Variants in RANBP2 observed in about 807,000 individuals in gnomAD.
RANBP2 encodes the protein E3 SUMO-protein ligase RanBP2.
In RANBP2, 57 loss-of-function variants were observed where a neutral mutation model predicts 303.6. That is an observed-to-expected ratio of 0.19 (90% CI 0.15 to 0.23). The LOEUF (loss-of-function observed/expected upper bound fraction) is 0.23. RANBP2 is among the 10% of genes least tolerant of loss of function. RANBP2 has a pLI of 1.00. For missense variants in RANBP2, 3,138 were observed against 3,780.8 expected, an observed-to-expected ratio of 0.83 and a Z score of 4.46; for synonymous variants, 1,167 against 1,301.5, an observed-to-expected ratio of 0.90 and a Z score of 2.23.
At chr2:109,354,916 C>T in the RANBP2 span, among the ~76,000 whole-genome samples, 3 of 152,152 alleles carry the variant, frequency 2.0e-5, no homozygotes, top group Admixed American at 6.5e-5. Flanking sequence ...GTAGTATTTA[C>T]GAAGCTTAGG....
chr2:108,989,122 G>T, the RANBP2 span: 1 of 152,700 alleles, frequency 6.5e-6, no homozygotes, highest in Non-Finnish European at 1.5e-5. Flanking sequence ...GGCTGCCTGG[G>T]ACCTGGCACA....
chr2:108,956,892 G>A, the RANBP2 span, among the ~76,000 whole-genome samples: 2 of 151,976 alleles, frequency 1.3e-5, no homozygotes, highest in Non-Finnish European at 2.9e-5. Context: ...AGGTTCAAGC[G>A]GTTCTCCTGC....
chr2:109,332,112 T>A, the RANBP2 span, among the ~76,000 whole-genome samples: 1 of 152,136 alleles, frequency 6.6e-6, no homozygotes, highest in Non-Finnish European at 1.5e-5. Context: ...AGCATAGACA[T>A]TGGCCAAGGC....
the RANBP2 span, among the ~76,000 whole-genome samples, chr2:109,233,764 G>A: frequency 1.6e-4 from 25 of 152,278 alleles, no homozygotes; most frequent in Non-Finnish European, 2.5e-4. Flanking sequence ...TGTTCCTGCC[G>A]TTTTGCATTT....
the RANBP2 span, among the ~76,000 whole-genome samples, chr2:109,622,983 C>A: frequency 3.9e-4 from 59 of 152,134 alleles, no homozygotes; most frequent in Non-Finnish European, 8.1e-4. Context: ...ACAAATTAGC[C>A]AGGTGTGGTG....
chr2:109,234,108 G>A, the RANBP2 span, among the ~76,000 whole-genome samples: 1 of 152,164 alleles, frequency 6.6e-6, no homozygotes, highest in African/African-American at 2.4e-5. Context: ...GTGAATGTGT[G>A]TTTAATTTCC....
the RANBP2 span, among the ~76,000 whole-genome samples, chr2:109,581,234 GT>G: frequency 6.6e-6 from 1 of 152,152 alleles, no homozygotes; most frequent in South Asian, 2.1e-4. Context: ...GAGGTCAGGA[GT>G]TCAACACCAG....
the RANBP2 span, chr2:108,856,785 A>G: frequency 5.6e-6 from 9 of 1,611,138 alleles, no homozygotes; most frequent in Non-Finnish European, 6.8e-6. Flanking sequence ...GTACATAACT[A>G]TTTTCCAGCT....
chr2:109,158,647 G>A, the RANBP2 span, among the ~76,000 whole-genome samples: 1 of 152,218 alleles, frequency 6.6e-6, no homozygotes, highest in African/African-American at 2.4e-5. Context: ...TCTAAGTCGT[G>A]AGAGCATCCC....
chr2:109,544,341 C>A, the RANBP2 span: 2 of 1,579,246 alleles, frequency 1.3e-6, no homozygotes, highest in Non-Finnish European at 1.7e-6. Flanking sequence ...AGAAAAAGAA[C>A]CTTTTGATTG....
At chr2:109,234,138 GT>G in the RANBP2 span, among the ~76,000 whole-genome samples, 3 of 152,280 alleles carry the variant, frequency 2.0e-5, no homozygotes, top group East Asian at 5.8e-4. Context: ...ATGCCAGATT[GT>G]TTTTCAAAAT....
At chr2:109,191,300 T>C in the RANBP2 span, among the ~76,000 whole-genome samples, 2 of 152,174 alleles carry the variant, frequency 1.3e-5, no homozygotes, top group African/African-American at 2.4e-5. Context: ...GGAAAGTAAG[T>C]GTGCAATGCC....
chr2:109,067,286 T>A, the RANBP2 span, among the ~76,000 whole-genome samples: 10 of 152,340 alleles, frequency 6.6e-5, no homozygotes, highest in Non-Finnish European at 1.5e-5. Context: ...TTTGTCCTGC[T>A]GTGTATAATT....
At chr2:109,649,245 T>C in the RANBP2 span, among the ~76,000 whole-genome samples, 10 of 151,984 alleles carry the variant, frequency 6.6e-5, no homozygotes, top group African/African-American at 2.4e-4. Context: ...ATTGCAAAAC[T>C]ATAGTGGTTT....
the RANBP2 span, among the ~76,000 whole-genome samples, chr2:109,642,735 C>T: frequency 6.6e-6 from 1 of 151,628 alleles, no homozygotes; most frequent in Non-Finnish European, 1.5e-5. Flanking sequence ...TTGATTACCA[C>T]AGAAGGGAAA....
At chr2:109,004,222 T>C in the RANBP2 span, among the ~76,000 whole-genome samples, 16 of 152,170 alleles carry the variant, frequency 1.1e-4, no homozygotes, top group African/African-American at 3.1e-4. Context: ...ACTGAAGGGA[T>C]GACCTTAGGA....
chr2:109,431,052 C>A, the RANBP2 span, among the ~76,000 whole-genome samples: 1 of 152,238 alleles, frequency 6.6e-6, no homozygotes, highest in African/African-American at 2.4e-5. Context: ...CAAGGTTCTC[C>A]TGCTATTCCA....
At chr2:109,543,895 T>C in the RANBP2 span, 100 of 431,626 alleles carry the variant, frequency 2.3e-4, no homozygotes, top group African/African-American at 1.9e-3. Flanking sequence ...GACCCGACTC[T>C]AATTACATAA....
chr2:109,192,900 C>T, the RANBP2 span, among the ~76,000 whole-genome samples: 1 of 152,130 alleles, frequency 6.6e-6, no homozygotes, highest in Non-Finnish European at 1.5e-5. Flanking sequence ...TATGACATTC[C>T]AGTGATATGC....
Sources: gnomAD v4.1 joint callset for allele counts (sites outside exome capture counted in the v4.1 genomes callset) on GRCh38, gnomAD v4.1.1 for gene constraint, MANE v1.5 for transcripts, NCBI Gene and HGNC (gene_info 2026-07-23, HGNC 2026-07-21) for gene names.